TBCK: variants seen among roughly 807,000 people sequenced by gnomAD.
TBCK encodes the protein TBC1 domain containing kinase.
TBCK carries 99 observed loss-of-function variants against 113.4 expected under a neutral mutation model. The ratio of observed to expected loss-of-function variants is 0.87; its 90% CI spans 0.74 to 1.03. The LOEUF is 1.03. Among genes scored for constraint, TBCK ranks in the 50% least tolerant of loss-of-function variants. The pLI is 0.00. For missense variants in TBCK, 1,045 were observed against 1,061.3 expected, an observed-to-expected ratio of 0.98 and a Z score of 0.21; for synonymous variants, 369 against 370.8, an observed-to-expected ratio of 1.00 and a Z score of 0.05.
At chr4:106,217,320 A>T (rs374684701) in intron 19 of TBCK, among the ~76,000 whole-genome samples, 12 of 152,106 alleles carry the variant, frequency 7.9e-5, no homozygotes, top group Admixed American at 5.9e-4. Flanking sequence ...GACAGGGATG[A>T]CCTCTCTCAC....
At chr4:106,121,347 A>C (rs1244863127) in intron 23 of TBCK, among the ~76,000 whole-genome samples, 2 of 148,378 alleles carry the variant, frequency 1.3e-5, no homozygotes, top group African/African-American at 5.0e-5. Flanking sequence ...ATATGCACCC[A>C]ATACAGGAGC....
chr4:106,312,145 G>T (rs1164334401), intron 1 of TBCK, among the ~76,000 whole-genome samples: 1 of 151,652 alleles, frequency 6.6e-6, no homozygotes, highest in Non-Finnish European at 1.5e-5. Flanking sequence ...CGAGTTAAAG[G>T]GAAATATTAT....
chr4:106,217,333 C>T (rs1757074878), intron 19 of TBCK, among the ~76,000 whole-genome samples: 1 of 152,130 alleles, frequency 6.6e-6, no homozygotes. Flanking sequence ...TCTCTCACCA[C>T]TCCTATTCAA....
At chr4:106,258,059 C>G (rs1249999770) in intron 5 of TBCK, among the ~76,000 whole-genome samples, 1 of 151,924 alleles carries the variant, frequency 6.6e-6, no homozygotes, top group Non-Finnish European at 1.5e-5. Context: ...AACTTTGTTT[C>G]AAATATTTTA....
intron 2 of TBCK, among the ~76,000 whole-genome samples, chr4:106,308,044 G>C (rs1767722925): frequency 1.3e-5 from 2 of 152,052 alleles, no homozygotes; most frequent in African/African-American, 4.8e-5. Context: ...TATATTGTTA[G>C]ATAATTCTTC....
chr4:106,051,389 A>G (rs1228454535), intron 25 of TBCK, among the ~76,000 whole-genome samples: 2 of 151,960 alleles, frequency 1.3e-5, no homozygotes, highest in African/African-American at 4.8e-5. Flanking sequence ...AAGCTCAAAC[A>G]GAGAAGTCTT....
At chr4:106,076,310 T>C (rs1159591397) in intron 25 of TBCK, among the ~76,000 whole-genome samples, 21 of 152,208 alleles carry the variant, frequency 1.4e-4, no homozygotes, top group Non-Finnish European at 4.4e-5. Context: ...AACCTAAACA[T>C]GTGATTTTAC....
Position 106,244,765 on chromosome 4 carries a change from C to A in TBCK, c.932-1G>T. The stretch of plus-strand genomic sequence containing the variant: ...TCTGCCAGGTAATCATTATTTATAT[C>A]TATTAAAAGCAAATTTAAGGAATCA... On this transcript the variant is annotated splice_acceptor_variant, in intron 10 of 25. Transcript: ENST00000394708. LOFTEE classifies it high-confidence loss of function. The A allele has an allele frequency of 6.5e-7, 1 of 1,541,530 alleles. No individual in the cohort carries two copies. Among genetic ancestry groups the A allele is most frequent in the Non-Finnish European group, 8.8e-7 (1 of 1,130,404 alleles).
chr4:106,312,044 A>T (rs1768254980), intron 1 of TBCK, among the ~76,000 whole-genome samples: 1 of 152,188 alleles, frequency 6.6e-6, no homozygotes, highest in Non-Finnish European at 1.5e-5. Context: ...AGAACAAAGC[A>T]CTAGCCACAA....
At chr4:106,313,553 T>C (rs919972132) in intron 1 of TBCK, among the ~76,000 whole-genome samples, 16 of 152,328 alleles carry the variant, frequency 1.1e-4, no homozygotes, top group African/African-American at 3.6e-4. Context: ...TTCCTTAGGA[T>C]ATATTCCAGG....
In TBCK at chr4:106,074,988, C is replaced by T. The variant is rs141453370; in HGVS notation, c.2571+20494G>A. Reference sequence around the variant, plus strand: ...TGGTTAACAACTGGAAGCCAGGAGACATGGAAGTTAGCTTCCTGGGGTGAA... The same window carrying T: ...TGGTTAACAACTGGAAGCCAGGAGATATGGAAGTTAGCTTCCTGGGGTGAA... On this transcript the variant is annotated intron_variant, in intron 25 of 25. Transcript: ENST00000394708. Among the ~76,000 whole-genome samples, 279 of 152,238 alleles carry T rather than the reference C, an allele frequency of 1.8e-3. 2 individuals carry two copies. Among genetic ancestry groups the T allele is most frequent in the African/African-American group, 6.4e-3 (264 of 41,530 alleles).
intron 20 of TBCK, among the ~76,000 whole-genome samples, chr4:106,211,620 A>C (rs1404586748): frequency 2.0e-5 from 3 of 152,126 alleles, no homozygotes; most frequent in Admixed American, 1.3e-4. Context: ...AACAGTTTTT[A>C]AGAAACTGCT....
At chr4:106,225,993 T>G (rs1758203801) in intron 19 of TBCK, among the ~76,000 whole-genome samples, 1 of 151,862 alleles carries the variant, frequency 6.6e-6, no homozygotes, top group Non-Finnish European at 1.5e-5. Context: ...CAAACTCTTA[T>G]CTCTACAAAA....
chr4:106,106,058 G>T (rs1742114184), intron 24 of TBCK, among the ~76,000 whole-genome samples: 1 of 152,028 alleles, frequency 6.6e-6, no homozygotes, highest in African/African-American at 2.4e-5. Context: ...TCGAAGACTG[G>T]TTCTTTGAAG....
intron 11 of TBCK, among the ~76,000 whole-genome samples, chr4:106,242,800 T>A (rs1484255317): frequency 1.3e-5 from 2 of 151,734 alleles, no homozygotes; most frequent in Non-Finnish European, 2.9e-5. Context: ...GCCGTGCTGG[T>A]GTGCTGCACC....
At chr4:106,250,642 G>A (rs949423904) in intron 6 of TBCK, among the ~76,000 whole-genome samples, 164 bp from the exon 7 acceptor site, 1 of 151,854 alleles carries the variant, frequency 6.6e-6, no homozygotes, top group African/African-American at 2.4e-5. Flanking sequence ...AAAATTACTG[G>A]TGAAATAACA....
At chr4:106,106,169 T>C (rs962463701) in intron 24 of TBCK, among the ~76,000 whole-genome samples, 22 of 152,104 alleles carry the variant, frequency 1.4e-4, no homozygotes, top group Admixed American at 3.3e-4. Flanking sequence ...ATATGAATCA[T>C]TGGCATCCCT....
intron 23 of TBCK, among the ~76,000 whole-genome samples, chr4:106,127,214 A>T: frequency 6.6e-6 from 1 of 151,132 alleles, no homozygotes; most frequent in East Asian, 1.9e-4. Flanking sequence ...CTCAAAAAAA[A>T]AAAAAAAAAA....
intron 25 of TBCK, among the ~76,000 whole-genome samples, chr4:106,054,899 T>C (rs537053153): frequency 8.6e-5 from 13 of 151,716 alleles, no homozygotes; most frequent in African/African-American, 3.1e-4. Context: ...CTTGTATGAG[T>C]TGAACAGGCA....
Sources: gnomAD v4.1 joint callset for allele counts (sites outside exome capture counted in the v4.1 genomes callset) on GRCh38, gnomAD v4.1.1 for gene constraint, MANE v1.5 for transcripts, NCBI Gene and HGNC (gene_info 2026-07-23, HGNC 2026-07-21) for gene names.